The following GRID1 variants were observed in gnomAD, a reference collection of about 807,000 sequenced individuals.
The protein encoded by GRID1 is glutamate ionotropic receptor delta type subunit 1, also known as glutamate receptor ionotropic, delta-1.
Under a neutral mutation model 98.0 loss-of-function variants are expected in GRID1, and 28 were observed. The ratio of observed to expected loss-of-function variants is 0.29; its 90% CI spans 0.21 to 0.39. The LOEUF (loss-of-function observed/expected upper bound fraction) is 0.39. Among genes scored for constraint, GRID1 ranks in the 10% least tolerant of loss-of-function variants. GRID1 has a pLI of 1.00. For synonymous variants in GRID1, 553 were observed against 538.5 expected (o/e 1.03, Z -0.37); for missense variants, 1,111 against 1,340.5 (o/e 0.83, Z 2.67).
chr10:85,607,078 A>G (rs891659255), intron 15 of GRID1: 4 of 152,162 alleles, frequency 2.6e-5, no homozygotes, highest in African/African-American at 9.7e-5. Context: ...TTCTCATCCC[A>G]TATTAAACAT....
chr10:85,618,995 T>C (rs1044124783), intron 14 of GRID1, among the ~76,000 whole-genome samples: 1 of 152,246 alleles, frequency 6.6e-6, no homozygotes, highest in Non-Finnish European at 1.5e-5. Context: ...CCTGGCACGA[T>C]GCCAGCCTTT....
At chr10:85,705,139 T>C (rs888749100) in intron 12 of GRID1, among the ~76,000 whole-genome samples, 5 of 151,804 alleles carry the variant, frequency 3.3e-5, no homozygotes, top group African/African-American at 1.2e-4. Flanking sequence ...CTGAAGGAAA[T>C]AGAGACACAA....
chr10:86,173,485 G>C (rs1461062211), intron 3 of GRID1, among the ~76,000 whole-genome samples: 3 of 151,906 alleles, frequency 2.0e-5, no homozygotes, highest in African/African-American at 4.8e-5. Context: ...TCAGAATCCT[G>C]ACAAAGTCTA....
At chr10:86,225,430 G>T (rs953640908) in intron 2 of GRID1, among the ~76,000 whole-genome samples, 1 of 152,228 alleles carries the variant, frequency 6.6e-6, no homozygotes, top group Non-Finnish European at 1.5e-5. Context: ...TAGCGTTTAA[G>T]CATAATCGTA....
intron 12 of GRID1, among the ~76,000 whole-genome samples, chr10:85,693,553 A>G (rs1461402479): frequency 6.6e-5 from 10 of 152,160 alleles, no homozygotes; most frequent in Non-Finnish European, 1.0e-4. Flanking sequence ...GCTATAGTAA[A>G]AAAAAACAGC....
At chr10:85,615,047 A>G (rs1288901635) in intron 14 of GRID1, among the ~76,000 whole-genome samples, 1 of 152,172 alleles carries the variant, frequency 6.6e-6, no homozygotes, top group Non-Finnish European at 1.5e-5. Flanking sequence ...GCCAGGAAAA[A>G]TTCACTGCCC....
chr10:86,273,034 G>A (rs1343758780), intron 2 of GRID1, among the ~76,000 whole-genome samples: 1 of 151,982 alleles, frequency 6.6e-6, no homozygotes, highest in Non-Finnish European at 1.5e-5. Context: ...TTAGCATTAG[G>A]TATATCTCCT....
chr10:85,919,732 A>T (rs1244550571), intron 4 of GRID1, among the ~76,000 whole-genome samples: 1 of 152,228 alleles, frequency 6.6e-6, no homozygotes, highest in African/African-American at 2.4e-5. Context: ...GAGTTCCAGC[A>T]GGCAGGCAGA....
chr10:85,716,584 G>T (rs1302895448), intron 12 of GRID1, among the ~76,000 whole-genome samples: 3 of 148,888 alleles, frequency 2.0e-5, no homozygotes, highest in Admixed American at 1.3e-4. Flanking sequence ...AAATAAAAAA[G>T]AAAATGTGAT....
chr10:85,714,704 C>T (rs1841618755), intron 12 of GRID1, among the ~76,000 whole-genome samples: 2 of 151,926 alleles, frequency 1.3e-5, no homozygotes, highest in South Asian at 4.1e-4. Flanking sequence ...ATCTGTATGC[C>T]ATGCTGTAAA....
intron 2 of GRID1, among the ~76,000 whole-genome samples, chr10:86,209,806 T>A (rs564110939): frequency 4.6e-5 from 7 of 152,316 alleles, no homozygotes; most frequent in African/African-American, 1.7e-4. Context: ...CTTTTGGCTC[T>A]TGTTGCCCCA....
intron 3 of GRID1, among the ~76,000 whole-genome samples, chr10:86,170,940 C>T (rs931061392): frequency 6.6e-6 from 1 of 152,120 alleles, no homozygotes; most frequent in African/African-American, 2.4e-5. Flanking sequence ...CCCCACGCTT[C>T]CTCCCCCAAC....
chr10:85,853,355 T>C (rs562365887), intron 8 of GRID1, among the ~76,000 whole-genome samples: 6 of 152,348 alleles, frequency 3.9e-5, no homozygotes, highest in Non-Finnish European at 8.8e-5. Flanking sequence ...ATCCAGCCCC[T>C]GCTGAGAGCT....
chr10:86,262,986 G>A (rs1406999027), intron 2 of GRID1, among the ~76,000 whole-genome samples: 1 of 146,098 alleles, frequency 6.8e-6, no homozygotes, highest in African/African-American at 2.5e-5. Context: ...AGGGCTCAGC[G>A]CGCTGGGAGG....
In GRID1 at chr10:86,083,426, C is replaced by T. The variant is rs547095866; in HGVS notation, c.726+55393G>A. On this transcript the variant is annotated intron_variant, in intron 4 of 15. Transcript: ENST00000327946. ...CAGTGAAGTGCATGGTGGTTTTGCACAATGTGACACACAGTTGGTCTCAAC... is the reference window on the plus strand; with the variant it reads ...CAGTGAAGTGCATGGTGGTTTTGCATAATGTGACACACAGTTGGTCTCAAC... Among the ~76,000 whole-genome samples the T allele has an allele frequency of 7.9e-5, 12 of 152,288 alleles. No homozygotes were observed. In the South Asian group the frequency reaches 2.5e-3, roughly 32 times the overall value.
At chr10:86,092,832 A>G (rs1329692118) in intron 4 of GRID1, among the ~76,000 whole-genome samples, 1 of 152,246 alleles carries the variant, frequency 6.6e-6, no homozygotes, top group Non-Finnish European at 1.5e-5. Flanking sequence ...GGTCATCAAG[A>G]CCGAAAGTCA....
rs149837715 is a variant in GRID1 at position 86,025,132 on chromosome 10, G to A, written c.727-108893C>T. On this transcript the variant is annotated intron_variant, in intron 4 of 15. Transcript: ENST00000327946. ...TTTGCGAGAAAGCAGCCCTGATGGA[G>A]AAGTCAGTCCACAGAGGCTGGACTC... is the stretch of plus-strand genomic sequence containing the variant. Among the ~76,000 whole-genome samples the A allele has an allele frequency of 1.4e-4, 22 of 152,326 alleles. No homozygotes were observed. The East Asian group carries it at 4.2e-3, about 29-fold the overall frequency.
At chr10:85,636,540 T>G (rs940196141) in intron 13 of GRID1, among the ~76,000 whole-genome samples, 1 of 152,052 alleles carries the variant, frequency 6.6e-6, no homozygotes, top group South Asian at 2.1e-4. Context: ...AAAAAAAGAT[T>G]GAAAAGAAAA....
At chr10:85,972,220 A>T (rs1842417062) in intron 4 of GRID1, among the ~76,000 whole-genome samples, 1 of 151,534 alleles carries the variant, frequency 6.6e-6, no homozygotes, top group South Asian at 2.1e-4. Context: ...TACAACTCAC[A>T]TTCCTAAGTC....
Sources: gnomAD v4.1 joint callset for allele counts (sites outside exome capture counted in the v4.1 genomes callset) on GRCh38, gnomAD v4.1.1 for gene constraint, MANE v1.5 for transcripts, NCBI Gene and HGNC (gene_info 2026-07-23, HGNC 2026-07-21) for gene names.